Variants in ARID1B observed in about 807,000 individuals in gnomAD.
The protein encoded by ARID1B is AT-rich interaction domain 1B.
Under a neutral mutation model 212.3 loss-of-function variants are expected in ARID1B, and 30 were observed. The observed-to-expected ratio is 0.14, with a 90% CI of 0.11 to 0.19. The LOEUF (loss-of-function observed/expected upper bound fraction) is 0.19, where lower values mean the gene tolerates loss of function less well. Ranked by LOEUF, ARID1B falls within the 10% of genes least tolerant of loss-of-function variation. The pLI is 1.00. For synonymous variants in ARID1B, 1,402 were observed against 1,301.7 expected (o/e 1.08, Z -1.66); for missense variants, 2,891 against 3,204.0 (o/e 0.90, Z 2.36).
intron 2 of ARID1B, among the ~76,000 whole-genome samples, chr6:156,883,016 A>G (rs777534490): frequency 1.3e-5 from 2 of 152,132 alleles, no homozygotes; most frequent in Non-Finnish European, 2.9e-5. Flanking sequence ...TAATTTCTGC[A>G]TTTTCTAAGG....
chr6:156,868,309 G>A (rs1353158976), intron 2 of ARID1B, among the ~76,000 whole-genome samples: 2 of 152,182 alleles, frequency 1.3e-5, no homozygotes, highest in African/African-American at 4.8e-5. Flanking sequence ...CTATTGTATT[G>A]TTATCACATG....
In ARID1B at chr6:157,110,534, A is replaced by T; in HGVS notation, c.2554A>T (p.Ser852Cys). 1 of 1,614,120 alleles carries T rather than the reference A, an allele frequency of 6.2e-7. No individual in the cohort carries two copies. The highest frequency in any genetic ancestry group is 1.1e-5 in the South Asian group (1 of 91,074). ...QSESSSHPAL[S>C]QSPMPQERGF... The stretch of plus-strand genomic sequence containing the variant: ...AGAATCCAGTTCCCATCCCGCCTTG[A>T]GCCAGTCACCAATGCCACAGGAAAG... Residue 852 changes from serine to cysteine, a missense_variant, in exon 6 of 20, where the codon AGC (serine) becomes TGC (cysteine). Physicochemically the swap from Ser to Cys is moderately radical, Grantham distance 112. Around this residue, in one of 7 missense-constraint regions of ARID1B, gnomAD observed 1,643 missense variants for 1,544.0 expected, o/e 1.06. Transcript: ENST00000636930.
At chr6:156,926,246 T>G (rs541163182) in intron 3 of ARID1B, among the ~76,000 whole-genome samples, 1 of 152,280 alleles carries the variant, frequency 6.6e-6, no homozygotes, top group African/African-American at 2.4e-5. Context: ...TTTGGGAACC[T>G]AGGGGAAAAA....
chr6:156,866,743 T>G (rs879858389), intron 2 of ARID1B, among the ~76,000 whole-genome samples: 14 of 152,260 alleles, frequency 9.2e-5, no homozygotes, highest in Non-Finnish European at 2.9e-5. Flanking sequence ...TATGTTAATA[T>G]GTTCATGGCT....
At chr6:156,917,620 C>A (rs1420820032) in intron 3 of ARID1B, among the ~76,000 whole-genome samples, 2 of 152,128 alleles carry the variant, frequency 1.3e-5, no homozygotes, top group Admixed American at 6.6e-5. Flanking sequence ...ATGCCCATTC[C>A]TGAGAGATAC....
At chr6:157,020,577 T>C (rs1156402370) in intron 4 of ARID1B, among the ~76,000 whole-genome samples, 1 of 152,208 alleles carries the variant, frequency 6.6e-6, no homozygotes, top group Non-Finnish European at 1.5e-5. Flanking sequence ...AAATAGTAGG[T>C]AGAACTGAAT....
chr6:157,110,693 G>A, intron 6 of ARID1B, 132 bp downstream of exon 6: 1 of 880,668 alleles, frequency 1.1e-6, no homozygotes, highest in Non-Finnish European at 1.8e-6. Flanking sequence ...TCAGACGGAA[G>A]AAATAAAAGC....
At chr6:156,833,151 A>G (rs995067890) in intron 2 of ARID1B, among the ~76,000 whole-genome samples, 3 of 152,274 alleles carry the variant, frequency 2.0e-5, no homozygotes, top group South Asian at 2.1e-4. Context: ...GATTTCATCT[A>G]TTAGACAGCT....
chr6:157,186,528 C>A (rs753034237), intron 13 of ARID1B: 1 of 471,204 alleles, frequency 2.1e-6, no homozygotes, highest in African/African-American at 2.0e-5. Context: ...GCCACCCACA[C>A]AGCAGGTGGC....
At chr6:157,091,293 C>T (rs769827748) in intron 5 of ARID1B, among the ~76,000 whole-genome samples, 3 of 151,916 alleles carry the variant, frequency 2.0e-5, no homozygotes, top group East Asian at 1.9e-4. Flanking sequence ...AAGGGTGGCA[C>T]GTATTGGATT....
At chr6:157,137,672 TG>T (rs918280222) in intron 7 of ARID1B, among the ~76,000 whole-genome samples, 1 of 152,204 alleles carries the variant, frequency 6.6e-6, no homozygotes, top group Non-Finnish European at 1.5e-5. Flanking sequence ...AGAGTTACCT[TG>T]GGCAAGTAAC....
At chr6:156,872,870 T>C (rs954237668) in intron 2 of ARID1B, among the ~76,000 whole-genome samples, 1 of 152,118 alleles carries the variant, frequency 6.6e-6, no homozygotes, top group African/African-American at 2.4e-5. Flanking sequence ...TGGTGCTTTG[T>C]TTTCCTCCAT....
intron 2 of ARID1B, among the ~76,000 whole-genome samples, chr6:156,839,676 A>G (rs1452468066): frequency 6.6e-5 from 10 of 152,194 alleles, no homozygotes; most frequent in Admixed American, 5.2e-4. Context: ...CTTAGTCTTC[A>G]TGGCATCTGA....
intron 4 of ARID1B, among the ~76,000 whole-genome samples, chr6:157,038,836 T>C (rs1781502653): frequency 6.6e-6 from 1 of 152,182 alleles, no homozygotes; most frequent in Non-Finnish European, 1.5e-5. Context: ...GCAGCTCTCA[T>C]AGTCTGCCCT....
intron 2 of ARID1B, among the ~76,000 whole-genome samples, chr6:156,896,707 C>T (rs553360259): frequency 2.6e-5 from 4 of 151,936 alleles, no homozygotes; most frequent in South Asian, 2.1e-4. Context: ...GGTGAAACCC[C>T]GTCTCTACTG....
intron 1 of ARID1B, among the ~76,000 whole-genome samples, chr6:156,799,708 C>T (rs1310761164): frequency 6.6e-6 from 1 of 152,124 alleles, no homozygotes; most frequent in African/African-American, 2.4e-5. Context: ...GAACTCGTGA[C>T]CTCAAGTGAT....
At chr6:157,114,693 A>G (rs1410263091) in intron 6 of ARID1B, among the ~76,000 whole-genome samples, 3 of 152,302 alleles carry the variant, frequency 2.0e-5, no homozygotes, top group African/African-American at 7.2e-5. Flanking sequence ...ATATAGTAAT[A>G]GTCCACCATA....
chr6:157,167,384 T>C (rs1047440676), intron 9 of ARID1B, 199 bp downstream of exon 9: 9 of 526,524 alleles, frequency 1.7e-5, no homozygotes, highest in Admixed American at 1.2e-4. Context: ...TGTAAATTAT[T>C]TTTATTCAAT....
chr6:156,952,916 T>C (rs377501663), intron 4 of ARID1B, among the ~76,000 whole-genome samples: 82 of 152,362 alleles, frequency 5.4e-4, no homozygotes, highest in African/African-American at 1.9e-3. Context: ...TTCTTCCTTG[T>C]AGGGAATCTT....
Sources: gnomAD v4.1 joint callset for allele counts (sites outside exome capture counted in the v4.1 genomes callset) on GRCh38, gnomAD v4.1.1 for gene constraint, gnomAD v4.1.1 regional missense constraint, MANE v1.5 for transcripts, NCBI Gene and HGNC (gene_info 2026-07-23, HGNC 2026-07-21) for gene names.